Variants in LDLRAD4 observed in about 807,000 individuals in gnomAD.
LDLRAD4 encodes the protein low density lipoprotein receptor class A domain containing 4.
Under a neutral mutation model 17.0 loss-of-function variants are expected in LDLRAD4, and 5 were observed. That is an observed-to-expected ratio of 0.29 (90% CI 0.15 to 0.62). The LOEUF (loss-of-function observed/expected upper bound fraction) is 0.62, where lower values mean the gene tolerates loss of function less well. Among genes scored for constraint, LDLRAD4 ranks in the 20% least tolerant of loss-of-function variants. The pLI, the probability that LDLRAD4 is intolerant of heterozygous loss-of-function variation, is 0.84. For missense variants in LDLRAD4, 340 were observed against 424.7 expected (o/e 0.80, Z 1.75); for synonymous variants, 168 against 171.8 (o/e 0.98, Z 0.17).
At chr18:13,304,086 C>A (rs1019010788) in intron 1 of LDLRAD4, among the ~76,000 whole-genome samples, 8 of 152,306 alleles carry the variant, frequency 5.3e-5, no homozygotes, top group Admixed American at 6.5e-5. Context: ...GTCTGGTCCC[C>A]CCGGGAGGCA....
intron 2 of LDLRAD4, among the ~76,000 whole-genome samples, chr18:13,421,608 G>C (rs2089457844): frequency 6.6e-6 from 1 of 152,134 alleles, no homozygotes; most frequent in Non-Finnish European, 1.5e-5. Context: ...AGAAGCTTCT[G>C]GCCTTCACGC....
intron 4 of LDLRAD4, among the ~76,000 whole-genome samples, chr18:13,636,534 C>G (rs1405738361): frequency 1.6e-5 from 1 of 62,418 alleles, no homozygotes; most frequent in Non-Finnish European, 6.3e-5. Flanking sequence ...CTTGCTCTGT[C>G]GCCCAGGCTG....
chr18:13,585,115 T>C (rs1402893114), intron 3 of LDLRAD4, among the ~76,000 whole-genome samples: 1 of 152,226 alleles, frequency 6.6e-6, no homozygotes, highest in Non-Finnish European at 1.5e-5. Flanking sequence ...CTGGCCCCAT[T>C]GCCGATGGTC....
At chr18:13,526,812 C>T in intron 3 of LDLRAD4, 1 of 152,368 alleles carries the variant, frequency 6.6e-6, no homozygotes, top group Non-Finnish European at 1.5e-5. Flanking sequence ...TGAGAAACAG[C>T]AGACACGGTG....
At chr18:13,417,765 C>G (rs559267673) in intron 2 of LDLRAD4, among the ~76,000 whole-genome samples, 3 of 152,322 alleles carry the variant, frequency 2.0e-5, no homozygotes, top group East Asian at 3.9e-4. Context: ...CATAATCATG[C>G]TCCCTTACAG....
intron 2 of LDLRAD4, among the ~76,000 whole-genome samples, chr18:13,433,925 G>A (rs1352898088): frequency 6.6e-6 from 1 of 152,168 alleles, no homozygotes; most frequent in Non-Finnish European, 1.5e-5. Flanking sequence ...ACAAAAAAGG[G>A]TTTCCTCTCG....
chr18:13,544,015 T>C (rs1177640999), intron 3 of LDLRAD4, among the ~76,000 whole-genome samples: 1 of 152,254 alleles, frequency 6.6e-6, no homozygotes, highest in African/African-American at 2.4e-5. Flanking sequence ...CGTGTGGACG[T>C]GCACATGCAT....
intron 4 of LDLRAD4, among the ~76,000 whole-genome samples, chr18:13,625,189 C>T (rs1485836824): frequency 6.6e-6 from 1 of 152,192 alleles, no homozygotes; most frequent in African/African-American, 2.4e-5. Context: ...GCTCCATGAG[C>T]ACATTAGAAA....
At chr18:13,387,883 G>A in intron 2 of LDLRAD4, 121 bp downstream of exon 3, 2 of 807,690 alleles carry the variant, frequency 2.5e-6, no homozygotes, top group African/African-American at 1.7e-5. Context: ...ACGCAGTCAA[G>A]GGCTCAGGCT....
At chr18:13,339,263 G>A (rs2082254495) in intron 1 of LDLRAD4, among the ~76,000 whole-genome samples, 1 of 151,594 alleles carries the variant, frequency 6.6e-6, no homozygotes, top group African/African-American at 2.4e-5. Flanking sequence ...CAGGCTGGAG[G>A]GACGTGGTGG....
At chr18:13,527,243 A>G (rs1028956170) in intron 3 of LDLRAD4, among the ~76,000 whole-genome samples, 5 of 152,278 alleles carry the variant, frequency 3.3e-5, no homozygotes, top group Non-Finnish European at 7.3e-5. Context: ...ACACTTCATG[A>G]CAACCGTCAC....
In LDLRAD4 at chr18:13,640,637, T is replaced by C. The variant is rs545761818; in HGVS notation, c.337-2722T>C. Among the ~76,000 whole-genome samples, 325 of 152,254 alleles carry C rather than the reference T, an allele frequency of 2.1e-3. 1 individual carries two copies. The highest frequency in any genetic ancestry group is 7.3e-3 in the African/African-American group (303 of 41,554). ...CAGGAGCAGATGGGACCTACACTGGTGGGCTGGCCTGGGAAAGGTCCAGGG... is the reference window on the plus strand; with the variant it reads ...CAGGAGCAGATGGGACCTACACTGGCGGGCTGGCCTGGGAAAGGTCCAGGG... On this transcript the variant is annotated intron_variant, in intron 4 of 5. Transcript: ENST00000359446.
intron 3 of LDLRAD4, among the ~76,000 whole-genome samples, chr18:13,574,538 C>T (rs979821007): frequency 2.6e-5 from 4 of 152,192 alleles, no homozygotes; most frequent in African/African-American, 9.7e-5. Context: ...CCTCGATGTG[C>T]GGCAGGACCA....
At chr18:13,418,283 T>A (rs2089121649) in intron 2 of LDLRAD4, among the ~76,000 whole-genome samples, 1 of 152,234 alleles carries the variant, frequency 6.6e-6, no homozygotes, top group Non-Finnish European at 1.5e-5. Context: ...TCTGGTCACC[T>A]GCCTTCAGGG....
intron 3 of LDLRAD4, among the ~76,000 whole-genome samples, chr18:13,565,306 C>T (rs934719572): frequency 6.6e-6 from 1 of 152,228 alleles, no homozygotes; most frequent in Non-Finnish European, 1.5e-5. Context: ...TTCCCTGATC[C>T]CAGACAGCCC....
Position 13,346,022 on chromosome 18 carries a change from A to G in LDLRAD4, c.-382-41319A>G, listed in dbSNP as rs1242845329. Among the ~76,000 whole-genome samples, 6 of 152,226 alleles carry G rather than the reference A, an allele frequency of 3.9e-5. 1 individual carries two copies. The highest frequency in any genetic ancestry group is 1.4e-4 in the African/African-American group (6 of 41,534). On this transcript the variant is annotated intron_variant, in intron 1 of 5. Coordinates refer to ENST00000359446, the Ensembl canonical transcript of LDLRAD4. ...TCTATCAATGTTGTTGATCTTTTCA[A>G]AAAACCAGCTCCTGGATTCATTGAT...
intron 1 of LDLRAD4, among the ~76,000 whole-genome samples, chr18:13,346,264 T>A (rs1568032045): frequency 6.6e-6 from 1 of 152,218 alleles, no homozygotes; most frequent in Non-Finnish European, 1.5e-5. Flanking sequence ...GTCCCAGAGA[T>A]TCTTGTATGT....
rs114772496 is a variant in LDLRAD4, at chr18:13,228,607, A to G, written c.-467+9619A>G. ...CATTTGTTTTTCTGCTACTTTGGCT[A>G]TGAAGATAAATCTTGACCCCTAGGC... is the stretch of plus-strand genomic sequence containing the variant. On this transcript the variant is annotated intron_variant, in intron 1 of 5. Coordinates refer to the LDLRAD4 transcript ENST00000399848. 3.1e-3 allele frequency among the ~76,000 whole-genome samples: 466 copies of G among 152,284 alleles called. 4 individuals carry two copies. Among genetic ancestry groups the G allele is most frequent in the African/African-American group, 0.01 (435 of 41,552 alleles).
intron 2 of LDLRAD4, among the ~76,000 whole-genome samples, chr18:13,390,023 A>G (rs1470864567): frequency 1.3e-5 from 2 of 152,016 alleles, no homozygotes; most frequent in South Asian, 2.1e-4. Context: ...AGCTTTCTAT[A>G]TTGGTAGGTT....
Sources: gnomAD v4.1 joint callset for allele counts (sites outside exome capture counted in the v4.1 genomes callset) on GRCh38, gnomAD v4.1.1 for gene constraint, MANE v1.5 for transcripts, NCBI Gene and HGNC (gene_info 2026-07-23, HGNC 2026-07-21) for gene names.